RNF24: variants seen among roughly 807,000 people sequenced by gnomAD.
RNF24 encodes the protein ring finger protein 24.
A neutral mutation model predicts 20.0 loss-of-function variants in RNF24; 14 were observed. That is an observed-to-expected ratio of 0.70 (90% CI 0.46 to 1.10). The LOEUF (loss-of-function observed/expected upper bound fraction) is 1.10. Ranked by LOEUF, RNF24 falls within the 50% of genes least tolerant of loss-of-function variation. The pLI is 0.00. For missense variants in RNF24, 124 were observed against 177.6 expected (o/e 0.70, Z 1.71); for synonymous variants, 45 against 61.1 (o/e 0.74, Z 1.23).
Position 3,927,369 on chromosome 20 carries a change from T to C in RNF24, c.*6694A>G, listed in dbSNP as rs2090737381. ...GTCAATTACATGCATGTTTTATTTT[T>C]GAGGAGTGATTAGCAAAATGCATTA... On this transcript the variant is annotated 3_prime_UTR_variant, in exon 6 of 6. Transcript: ENST00000358395. The C allele has an allele frequency of 6.6e-6, 1 of 152,212 alleles. No individual in the cohort carries two copies. Among genetic ancestry groups the C allele is most frequent in the Non-Finnish European group, 1.5e-5 (1 of 68,040 alleles). The allele number at this position is 152,212 out of a possible 1,614,324, so 9.4% of individuals were successfully genotyped here.
At chr20:3,948,410 C>T in intron 2 of RNF24, 131 bp from the exon 3 acceptor site, 1 of 618,922 alleles carries the variant, frequency 1.6e-6, no homozygotes, top group Admixed American at 3.6e-5. Context: ...AGAATCTTTA[C>T]CCTGAAATAC....
intron 1 of RNF24, among the ~76,000 whole-genome samples, chr20:4,003,391 C>T (rs1279500612): frequency 6.6e-6 from 1 of 152,150 alleles, no homozygotes; most frequent in African/African-American, 2.4e-5. Flanking sequence ...ACAGCGCTGA[C>T]TAAGTTTCTT....
chr20:3,939,234 G>A (rs2090926724), intron 4 of RNF24, among the ~76,000 whole-genome samples: 1 of 152,124 alleles, frequency 6.6e-6, no homozygotes, highest in Non-Finnish European at 1.5e-5. Context: ...ACTCAAGGGA[G>A]CTTCCCCCTC....
chr20:3,957,755 A>G (rs1363584188), intron 2 of RNF24, among the ~76,000 whole-genome samples: 1 of 152,118 alleles, frequency 6.6e-6, no homozygotes, highest in Non-Finnish European at 1.5e-5. Context: ...CCCATTAATT[A>G]TCTAATATTT....
At chr20:3,940,007 G>A (rs1318223744) in intron 4 of RNF24, among the ~76,000 whole-genome samples, 1 of 151,812 alleles carries the variant, frequency 6.6e-6, no homozygotes, top group Non-Finnish European at 1.5e-5. Flanking sequence ...TGCCCACACT[G>A]GAGTACAATG....
At chr20:4,003,385 C>T (rs954930738) in intron 1 of RNF24, among the ~76,000 whole-genome samples, 1 of 152,150 alleles carries the variant, frequency 6.6e-6, no homozygotes, top group African/African-American at 2.4e-5. Flanking sequence ...CCACACACAG[C>T]GCTGACTAAG....
chr20:3,988,263 G>A (rs1980104651), intron 1 of RNF24, among the ~76,000 whole-genome samples: 1 of 152,044 alleles, frequency 6.6e-6, no homozygotes, highest in Non-Finnish European at 1.5e-5. Flanking sequence ...AGTCAATGCT[G>A]CAGTGAGCCG....
intron 4 of RNF24, among the ~76,000 whole-genome samples, chr20:3,943,532 C>T (rs1423243262): frequency 7.2e-5 from 11 of 152,068 alleles, no homozygotes; most frequent in Admixed American, 3.9e-4. Flanking sequence ...AATACAGTCA[C>T]AAAAAATATG....
chr20:3,973,921 G>T (rs370021728), intron 1 of RNF24, among the ~76,000 whole-genome samples: 1 of 152,060 alleles, frequency 6.6e-6, no homozygotes, highest in South Asian at 2.1e-4. Flanking sequence ...AGCAAAACCA[G>T]ATAAAGACAG....
Position 4,012,429 on chromosome 20 carries a change from C to A in RNF24, c.-8+3008G>T, listed in dbSNP as rs373234439. ...GAGACTCCATCTCAAAAAAAAAAAA[C>A]AACAAAACACCCAAAAAACAAAAAA... On this transcript the variant is annotated intron_variant, in intron 1 of 5. Transcript: ENST00000358395. Among the ~76,000 whole-genome samples the A allele has an allele frequency of 2.6e-3, 305 of 116,194 alleles. 2 individuals are homozygous for A. Among genetic ancestry groups the A allele is most frequent in the Non-Finnish European group, 3.5e-3 (163 of 46,146 alleles). 76.2% of individuals were successfully genotyped at this position (116,194 alleles called of 152,430 possible).
rs1385085454 is a variant in RNF24, at chr20:3,934,456, T to C, written c.309-255A>G. On this transcript the variant is annotated intron_variant, in intron 5 of 5. Coordinates refer to ENST00000358395, the MANE Select transcript of RNF24 (RefSeq NM_001134337.3). The surrounding 1 kb of genome is among the most constrained non-coding windows in gnomAD (Gnocchi z 4.0). ...CATCTTCCACGTGTGAAGCCACAGA[T>C]AGTATGTGATACTCTCAGTTACCCA... Among the ~76,000 whole-genome samples, 1 of 152,168 alleles carries C rather than the reference T, an allele frequency of 6.6e-6. No homozygotes were observed. Among genetic ancestry groups the C allele is most frequent in the Non-Finnish European group, 1.5e-5 (1 of 68,026 alleles).
chr20:3,940,416 G>A (rs1230135501), intron 4 of RNF24, among the ~76,000 whole-genome samples: 5 of 142,828 alleles, frequency 3.5e-5, no homozygotes, highest in Non-Finnish European at 3.0e-5. Flanking sequence ...AAAAATTACT[G>A]AAAAAAAAAA....
intron 1 of RNF24, among the ~76,000 whole-genome samples, chr20:3,982,754 C>T (rs559541322): frequency 9.9e-5 from 15 of 151,880 alleles, no homozygotes; most frequent in African/African-American, 2.2e-4. Context: ...CCAGGTGTGG[C>T]GACACATGCC....
At chr20:3,990,816 C>T (rs991753762) in intron 1 of RNF24, among the ~76,000 whole-genome samples, 4 of 151,954 alleles carry the variant, frequency 2.6e-5, no homozygotes, top group Non-Finnish European at 4.4e-5. Context: ...TTCGAGACTA[C>T]AGCAAGCTAT....
Position 3,963,886 on chromosome 20 carries a change from G to A in RNF24, c.132C>T (p.Cys44=). ...FVFILSLLFC[C]YLIRLRHQAH... ...TGAAAATTGGTTACCTAATCAAGTA[G>A]CAACAGAAGAGTAAACTAAGGATGA... Residue 44 remains cysteine, a synonymous_variant, in exon 2 of 6, where the codon TGC becomes TGT. Transcript: ENST00000358395. The A allele has an allele frequency of 6.3e-7, 1 of 1,577,776 alleles. No individual in the cohort carries two copies. The highest frequency in any genetic ancestry group is 1.2e-5 in the South Asian group (1 of 84,438).
intron 1 of RNF24, among the ~76,000 whole-genome samples, chr20:4,012,318 G>A (rs961811279): frequency 2.0e-5 from 3 of 151,820 alleles, no homozygotes; most frequent in Admixed American, 1.3e-4. Flanking sequence ...TCGGGAAGCT[G>A]AGGCATGAGA....
chr20:3,940,388 C>G (rs1002242515), intron 4 of RNF24, among the ~76,000 whole-genome samples: 1 of 148,362 alleles, frequency 6.7e-6, no homozygotes, highest in Non-Finnish European at 1.5e-5. Context: ...GGAAATTACT[C>G]AGTCTGAACA....
chr20:3,970,917 G>A (rs1978325116), intron 1 of RNF24, among the ~76,000 whole-genome samples: 1 of 152,004 alleles, frequency 6.6e-6, no homozygotes, highest in Non-Finnish European at 1.5e-5. Flanking sequence ...ATGGTGGTGG[G>A]CACCTGTAAT....
chr20:4,000,897 G>C (rs1981332203), intron 1 of RNF24, among the ~76,000 whole-genome samples: 1 of 152,162 alleles, frequency 6.6e-6, no homozygotes, highest in African/African-American at 2.4e-5. Flanking sequence ...AAACTTACTT[G>C]AATCCCACAC....
Sources: gnomAD v4.1 joint callset for allele counts (sites outside exome capture counted in the v4.1 genomes callset) on GRCh38, gnomAD v4.1.1 for gene constraint, Gnocchi (gnomAD v3.1) non-coding constraint, MANE v1.5 for transcripts, NCBI Gene and HGNC (gene_info 2026-07-23, HGNC 2026-07-21) for gene names.